ARID1B: variants seen among roughly 807,000 people sequenced by gnomAD.
ARID1B encodes AT-rich interactive domain-containing protein 1B.
In ARID1B, 30 loss-of-function variants were observed where a neutral mutation model predicts 212.3. The observed-to-expected ratio is 0.14, with a 90% CI of 0.11 to 0.19. ARID1B has a LOEUF of 0.19. ARID1B is among the 10% of genes least tolerant of loss of function. The pLI is 1.00. For synonymous variants in ARID1B, 1,402 were observed against 1,301.7 expected, an observed-to-expected ratio of 1.08 and a Z score of -1.66; for missense variants, 2,891 against 3,204.0, an observed-to-expected ratio of 0.90 and a Z score of 2.36.
intron 8 of ARID1B, among the ~76,000 whole-genome samples, chr6:157,159,302 G>A (rs770405664): frequency 1.3e-5 from 2 of 152,182 alleles, no homozygotes; most frequent in Non-Finnish European, 2.9e-5. Flanking sequence ...GTTATCAGTT[G>A]CTAAAATTCA....
Position 156,779,073 on chromosome 6 carries a change from C to G in ARID1B, c.1393C>G (p.Pro465Ala). The change falls in exon 1 of 20, where the codon CCC becomes GCC. Residue 465 changes from proline (P) to alanine (A), a missense_variant. Pro to Ala is a conservative substitution (Grantham distance 27, BLOSUM62 -1). Coordinates refer to ENST00000636930, the MANE Select transcript of ARID1B (RefSeq NM_001374828.1). ...RQQGGGMMMG[P>A]GGGGAASLSK... ...GCAGGGCGGCGGCATGATGATGGGCCCCGGGGGCGGCGGGGCCGCGAGCCT... is the reference window on the plus strand; with the variant it reads ...GCAGGGCGGCGGCATGATGATGGGCGCCGGGGGCGGCGGGGCCGCGAGCCT... 1 of 1,225,616 alleles carries G rather than the reference C, an allele frequency of 8.2e-7. No homozygotes were observed. The highest frequency in any genetic ancestry group is 1.0e-6 in the Non-Finnish European group (1 of 985,962). The allele number at this position is 1,225,616 out of a possible 1,614,324, so 75.9% of individuals were successfully genotyped here. A position where few individuals can be genotyped will look rare whatever the true frequency, so the allele number is the denominator to read the frequency against.
chr6:157,169,667 T>A (rs971150544), intron 9 of ARID1B: 23 of 152,358 alleles, frequency 1.5e-4, no homozygotes, highest in African/African-American at 5.0e-4. Context: ...TGTTGAATTT[T>A]ATAATATTCA....
intron 6 of ARID1B, among the ~76,000 whole-genome samples, chr6:157,125,631 C>T (rs1330426081): frequency 6.6e-6 from 1 of 152,164 alleles, no homozygotes; most frequent in African/African-American, 2.4e-5. Flanking sequence ...TTCCACCATC[C>T]CAGTCTAAAT....
intron 2 of ARID1B, among the ~76,000 whole-genome samples, chr6:156,896,535 C>G (rs1311918347): frequency 7.0e-6 from 1 of 142,592 alleles, no homozygotes; most frequent in Admixed American, 7.3e-5. Flanking sequence ...GAGACCACAC[C>G]ACTGCACTCC....
At chr6:157,033,021 A>G (rs1174103984) in intron 4 of ARID1B, among the ~76,000 whole-genome samples, 1 of 152,208 alleles carries the variant, frequency 6.6e-6, no homozygotes, top group Non-Finnish European at 1.5e-5. Flanking sequence ...ATTTGGTTAT[A>G]TTCACTTTTC....
At chr6:157,162,905 G>C (rs879351014) in intron 8 of ARID1B, among the ~76,000 whole-genome samples, 6 of 152,110 alleles carry the variant, frequency 3.9e-5, no homozygotes, top group Non-Finnish European at 7.4e-5. Context: ...CCATGGACTC[G>C]GCATCTGCAG....
chr6:157,083,447 A>G (rs909473529), intron 4 of ARID1B, among the ~76,000 whole-genome samples: 2 of 152,298 alleles, frequency 1.3e-5, no homozygotes, highest in East Asian at 1.9e-4. Flanking sequence ...CATGGGAGCC[A>G]TGGGGGGCAC....
chr6:157,114,318 T>A (rs1583329196), intron 6 of ARID1B, among the ~76,000 whole-genome samples: 1 of 151,330 alleles, frequency 6.6e-6, no homozygotes, highest in Non-Finnish European at 1.5e-5. Context: ...AGGTCAGGAG[T>A]TCGAGTCCAG....
At chr6:156,785,021 A>T (rs924643151) in intron 1 of ARID1B, among the ~76,000 whole-genome samples, 1 of 152,152 alleles carries the variant, frequency 6.6e-6, no homozygotes, top group Non-Finnish European at 1.5e-5. Flanking sequence ...CGGCCTCCCA[A>T]AGTGCTGGGA....
At chr6:157,061,392 C>T (rs1330267680) in intron 4 of ARID1B, among the ~76,000 whole-genome samples, 1 of 152,152 alleles carries the variant, frequency 6.6e-6, no homozygotes, top group Non-Finnish European at 1.5e-5. Context: ...AAGTGCTCCA[C>T]ATGTCAACCC....
In ARID1B at chr6:156,806,130, G is replaced by A. The variant is rs1781136641; in HGVS notation, c.1792-23097G>A. 2.0e-5 allele frequency among the ~76,000 whole-genome samples: 3 copies of A among 152,180 alleles called. No individual in the cohort carries two copies. In the South Asian group the frequency reaches 6.2e-4, roughly 32 times the overall value. Reference sequence around the variant, plus strand: ...CAAAATCATAACCATAAACCTTGTTGAGGTTCTGTTTTCTTGTCCATAAAA... The same window carrying A: ...CAAAATCATAACCATAAACCTTGTTAAGGTTCTGTTTTCTTGTCCATAAAA... On this transcript the variant is annotated intron_variant, in intron 1 of 19. Coordinates refer to ENST00000636930, the MANE Select transcript of ARID1B (RefSeq NM_001374828.1).
intron 16 of ARID1B, among the ~76,000 whole-genome samples, chr6:157,197,166 G>T (rs764810818): frequency 3.3e-5 from 5 of 152,208 alleles, no homozygotes; most frequent in Non-Finnish European, 7.3e-5. Context: ...CTCCTAGTAA[G>T]AGACATGATG....
chr6:157,021,166 G>C (rs1024537922), intron 4 of ARID1B, among the ~76,000 whole-genome samples: 1 of 152,048 alleles, frequency 6.6e-6, no homozygotes, highest in African/African-American at 2.4e-5. Context: ...CCGCTTTCAG[G>C]CCGCCAGCTC....
At chr6:157,112,661 T>C (rs1787008844) in intron 6 of ARID1B, among the ~76,000 whole-genome samples, 1 of 152,146 alleles carries the variant, frequency 6.6e-6, no homozygotes, top group Non-Finnish European at 1.5e-5. Context: ...TTCCAACAGA[T>C]ACGTGTTTGG....
intron 4 of ARID1B, among the ~76,000 whole-genome samples, chr6:156,988,682 C>T (rs1051031005): frequency 1.3e-5 from 2 of 152,220 alleles, no homozygotes; most frequent in Non-Finnish European, 2.9e-5. Context: ...CAGCATCCAA[C>T]ACAGCTGGTT....
intron 1 of ARID1B, among the ~76,000 whole-genome samples, chr6:156,812,322 A>G (rs961709092): frequency 3.3e-5 from 5 of 152,072 alleles, no homozygotes; most frequent in African/African-American, 7.2e-5. Context: ...TGGTTTTGCT[A>G]TGTTGCCCAG....
chr6:157,128,837 T>A (rs921297875), intron 6 of ARID1B, among the ~76,000 whole-genome samples: 1 of 152,204 alleles, frequency 6.6e-6, no homozygotes, highest in Non-Finnish European at 1.5e-5. Flanking sequence ...AATCACAAAT[T>A]ATAAAATATC....
intron 7 of ARID1B, 90 bp downstream of exon 7, chr6:157,133,297 A>G (rs1422315008): frequency 2.2e-6 from 3 of 1,347,710 alleles, no homozygotes; most frequent in African/African-American, 3.0e-5. Flanking sequence ...TATTGTAAAC[A>G]TATCGTAAGA....
intron 6 of ARID1B, among the ~76,000 whole-genome samples, chr6:157,127,465 G>A (rs1788208103): frequency 6.6e-6 from 1 of 151,804 alleles, no homozygotes; most frequent in Admixed American, 6.6e-5. Flanking sequence ...GACCAGCCTG[G>A]CCAATATGGT....
Sources: gnomAD v4.1 joint callset for allele counts (sites outside exome capture counted in the v4.1 genomes callset) on GRCh38, gnomAD v4.1.1 for gene constraint, MANE v1.5 for transcripts, NCBI Gene and HGNC (gene_info 2026-07-23, HGNC 2026-07-21) for gene names.